Variants in KCNH8 observed in about 807,000 individuals in gnomAD.
KCNH8 encodes potassium voltage-gated channel subfamily H member 8.
Under a neutral mutation model 103.6 loss-of-function variants are expected in KCNH8, and 70 were observed. That is an observed-to-expected ratio of 0.68 (90% CI 0.56 to 0.82). KCNH8 has a LOEUF of 0.82. Ranked by LOEUF, KCNH8 falls within the 40% of genes least tolerant of loss-of-function variation. The pLI is 0.00. For synonymous variants in KCNH8, 498 were observed against 489.4 expected (o/e 1.02, Z -0.23); for missense variants, 1,217 against 1,329.9 (o/e 0.92, Z 1.32).
chr3:19,239,693 C>T (rs201951672), intron 1 of KCNH8, among the ~76,000 whole-genome samples: 3 of 149,516 alleles, frequency 2.0e-5, no homozygotes, highest in Admixed American at 1.3e-4. Flanking sequence ...TACCTACCTA[C>T]CTATCTATCT....
At chr3:19,234,759 G>C (rs886247210) in intron 1 of KCNH8, among the ~76,000 whole-genome samples, 6 of 152,262 alleles carry the variant, frequency 3.9e-5, no homozygotes, top group Admixed American at 2.0e-4. Context: ...GAGGAGGCGC[G>C]GAGAGCGAGA....
In KCNH8 at chr3:19,408,490, A is replaced by C. The variant is rs572522909; in HGVS notation, c.1177+13179A>C. Among the ~76,000 whole-genome samples the C allele has an allele frequency of 2.0e-5, 3 of 152,264 alleles. No homozygotes were observed. In the East Asian group the frequency reaches 5.8e-4, roughly 29 times the overall value. On this transcript the variant is annotated intron_variant, in intron 7 of 15. Coordinates refer to ENST00000328405, the MANE Select transcript of KCNH8 (RefSeq NM_144633.3). ...AGTGACACCACCAAAGGACTGCACT[A>C]GCTCCCCTGCAATGGTCACTATCCA...
intron 7 of KCNH8, among the ~76,000 whole-genome samples, chr3:19,423,274 C>A (rs2066977739): frequency 6.6e-6 from 1 of 151,886 alleles, no homozygotes; most frequent in Non-Finnish European, 1.5e-5. Context: ...AAAATTATTT[C>A]TTTTTATTTA....
chr3:19,416,690 G>A (rs1043176154), intron 7 of KCNH8, among the ~76,000 whole-genome samples: 1 of 152,128 alleles, frequency 6.6e-6, no homozygotes, highest in Non-Finnish European at 1.5e-5. Context: ...GATTGTTTAT[G>A]TCTTTGCTTC....
chr3:19,197,465 C>T (rs183549058), intron 1 of KCNH8, among the ~76,000 whole-genome samples: 8 of 152,196 alleles, frequency 5.3e-5, no homozygotes, highest in African/African-American at 9.6e-5. Context: ...AAAGTTAGCA[C>T]GTGTCTGTTT....
chr3:19,234,560 A>G (rs2125240450), intron 1 of KCNH8, among the ~76,000 whole-genome samples: 1 of 152,304 alleles, frequency 6.6e-6, no homozygotes, highest in South Asian at 2.1e-4. Flanking sequence ...GCCCTCGCCC[A>G]CGCGGAACTC....
intron 3 of KCNH8, among the ~76,000 whole-genome samples, chr3:19,313,958 A>C (rs1251096069): frequency 6.6e-6 from 1 of 151,894 alleles, no homozygotes; most frequent in African/African-American, 2.4e-5. Flanking sequence ...ATAATGGTGA[A>C]ATGAATAGAA....
intron 1 of KCNH8, among the ~76,000 whole-genome samples, chr3:19,190,082 G>A (rs528068295): frequency 6.6e-6 from 1 of 151,966 alleles, no homozygotes; most frequent in African/African-American, 2.4e-5. Context: ...GCTGAGGGGG[G>A]AATACTTAAG....
At chr3:19,357,271 G>A (rs2065892214) in intron 5 of KCNH8, among the ~76,000 whole-genome samples, 1 of 151,852 alleles carries the variant, frequency 6.6e-6, no homozygotes, top group Non-Finnish European at 1.5e-5. Flanking sequence ...CATTTCCACT[G>A]GGATGTGTAG....
intron 5 of KCNH8, among the ~76,000 whole-genome samples, chr3:19,355,885 A>AAT (rs35120708): frequency 0.23 from 35,087 of 150,294 alleles, 4,470 homozygotes; most frequent in Middle Eastern, 0.32. Flanking sequence ...AGTATAATAA[A>AAT]ATATATATAT....
chr3:19,433,427 A>C (rs372898037), intron 7 of KCNH8, among the ~76,000 whole-genome samples: 1 of 152,342 alleles, frequency 6.6e-6, no homozygotes, highest in South Asian at 2.1e-4. Flanking sequence ...GCTTTTAAAA[A>C]ATGTCAATCA....
chr3:19,366,998 T>C (rs1450503680), intron 5 of KCNH8, among the ~76,000 whole-genome samples: 3 of 151,996 alleles, frequency 2.0e-5, no homozygotes, highest in African/African-American at 7.2e-5. Context: ...GATGTGGCAA[T>C]TACTTAGAAG....
At chr3:19,163,036 G>A (rs2063248956) in intron 1 of KCNH8, among the ~76,000 whole-genome samples, 2 of 151,742 alleles carry the variant, frequency 1.3e-5, no homozygotes, top group Non-Finnish European at 2.9e-5. Context: ...TATGGAAGAT[G>A]TCAACAATTT....
At chr3:19,249,559 C>T (rs1314774442) in intron 1 of KCNH8, among the ~76,000 whole-genome samples, 1 of 152,140 alleles carries the variant, frequency 6.6e-6, no homozygotes, top group East Asian at 1.9e-4. Context: ...CTCAGTGAAT[C>T]CTTCAGCATC....
chr3:19,370,859 G>C (rs7627734), intron 5 of KCNH8, among the ~76,000 whole-genome samples: 28,826 of 151,192 alleles, frequency 0.19, 2,805 homozygotes, highest in Middle Eastern at 0.26. Context: ...AATATGCGGT[G>C]TTTGGTTTTT....
intron 1 of KCNH8, among the ~76,000 whole-genome samples, chr3:19,176,625 C>T (rs1007035682): frequency 1.8e-4 from 27 of 152,128 alleles, no homozygotes; most frequent in African/African-American, 4.1e-4. Flanking sequence ...CCAGAACATA[C>T]GGATTTTGAG....
At chr3:19,259,568 C>T (rs937660139) in intron 2 of KCNH8, among the ~76,000 whole-genome samples, 33 of 151,680 alleles carry the variant, frequency 2.2e-4, no homozygotes, top group African/African-American at 7.7e-4. Context: ...CAATTTGTTG[C>T]CCCAGTCATT....
intron 3 of KCNH8, among the ~76,000 whole-genome samples, chr3:19,300,602 T>G (rs2065052882): frequency 6.6e-6 from 1 of 152,150 alleles, no homozygotes. Context: ...ATTTAGAAAT[T>G]TAATTTTCAA....
At chr3:19,190,384 T>C (rs550706470) in intron 1 of KCNH8, among the ~76,000 whole-genome samples, 23 of 152,136 alleles carry the variant, frequency 1.5e-4, no homozygotes, top group African/African-American at 5.5e-4. Context: ...TGTAGTTCTA[T>C]TCTTGGCTAG....
Sources: gnomAD v4.1 joint callset for allele counts (sites outside exome capture counted in the v4.1 genomes callset) on GRCh38, gnomAD v4.1.1 for gene constraint, MANE v1.5 for transcripts, NCBI Gene and HGNC (gene_info 2026-07-23, HGNC 2026-07-21) for gene names.